SPEF2: variants seen among roughly 807,000 people sequenced by gnomAD.
SPEF2 encodes the protein sperm flagellar and cilia associated 2.
In SPEF2, 187 loss-of-function variants were observed where a neutral mutation model predicts 224.6. The ratio of observed to expected loss-of-function variants is 0.83; its 90% confidence interval spans 0.74 to 0.94. The LOEUF is 0.94. Ranked by LOEUF, SPEF2 falls within the 40% of genes least tolerant of loss-of-function variation. The pLI is 0.00. For missense variants in SPEF2, 2,170 were observed against 2,135.6 expected (o/e 1.02, Z -0.32); for synonymous variants, 715 against 707.3 (o/e 1.01, Z -0.17).
chr5:35,626,519 T>C (rs550009090), intron 1 of SPEF2, among the ~76,000 whole-genome samples: 9 of 152,334 alleles, frequency 5.9e-5, no homozygotes, highest in African/African-American at 2.2e-4. Flanking sequence ...GTTTCATTTC[T>C]TTACTTGTTG....
chr5:35,704,304 C>T (rs1049797062), intron 16 of SPEF2, among the ~76,000 whole-genome samples: 1 of 152,056 alleles, frequency 6.6e-6, no homozygotes, highest in Non-Finnish European at 1.5e-5. Context: ...CTATCATAGA[C>T]AATCCTGAGA....
chr5:35,631,474 A>G (rs1351693183), intron 2 of SPEF2, among the ~76,000 whole-genome samples: 4 of 152,350 alleles, frequency 2.6e-5, no homozygotes, highest in African/African-American at 4.8e-5. Context: ...ACAAGTGATG[A>G]TAAGGACATG....
At chr5:35,749,034 C>T (rs184744433) in intron 23 of SPEF2, among the ~76,000 whole-genome samples, 60 of 152,166 alleles carry the variant, frequency 3.9e-4, no homozygotes, top group African/African-American at 1.3e-3. Flanking sequence ...TTAACATACA[C>T]AAGTCAATAA....
At chr5:35,618,541 T>C (rs926575433) in intron 1 of SPEF2, among the ~76,000 whole-genome samples, 3 of 152,198 alleles carry the variant, frequency 2.0e-5, no homozygotes, top group Non-Finnish European at 4.4e-5. Context: ...TCTGAATGTG[T>C]TTCCTTCTCT....
At chr5:35,725,716 TTTGA>T (rs1344887341) in intron 20 of SPEF2, among the ~76,000 whole-genome samples, 1 of 152,226 alleles carries the variant, frequency 6.6e-6, no homozygotes, top group Non-Finnish European at 1.5e-5. Flanking sequence ...TCACTTTGTC[TTTGA>T]TTATTTCTTT....
chr5:35,810,576 A>C (rs1219082466), intron 36 of SPEF2, among the ~76,000 whole-genome samples: 1 of 152,182 alleles, frequency 6.6e-6, no homozygotes, highest in African/African-American at 2.4e-5. Flanking sequence ...TTGGAGCAGC[A>C]CAGTTCCTCT....
chr5:35,685,114 A>T (rs1351049562), intron 10 of SPEF2, among the ~76,000 whole-genome samples: 1 of 152,188 alleles, frequency 6.6e-6, no homozygotes, highest in Non-Finnish European at 1.5e-5. Flanking sequence ...AGCTCCTAGA[A>T]AAAACAAAGG....
chr5:35,649,289 G>C lies in SPEF2; in HGVS notation c.727-72G>C, dbSNP rs187854093. The C allele has an allele frequency of 2.6e-5, 33 of 1,267,460 alleles. No individual in the cohort carries two copies. The East Asian group carries it at 5.0e-4, about 19-fold the overall frequency. 78.5% of individuals were successfully genotyped at this position (1,267,460 alleles called of 1,614,324 possible). On this transcript the variant is annotated intron_variant, in intron 5 of 36. Transcript: ENST00000356031. ...GTAGTACTTGTCACTTTATAAACTTGAATGAATGTGTAAATGAAGATTTTT... is the reference window on the plus strand; with the variant it reads ...GTAGTACTTGTCACTTTATAAACTTCAATGAATGTGTAAATGAAGATTTTT...
intron 9 of SPEF2, among the ~76,000 whole-genome samples, chr5:35,669,799 A>G (rs1750979364): frequency 6.6e-6 from 1 of 152,080 alleles, no homozygotes; most frequent in East Asian, 1.9e-4. Flanking sequence ...CTCCTGTGCA[A>G]AACGAACAAA....
chr5:35,710,079 T>C (rs778441763), intron 19 of SPEF2: 90 of 984,812 alleles, frequency 9.1e-5, no homozygotes, highest in Non-Finnish European at 1.1e-4. Flanking sequence ...ACCATTCTGC[T>C]CCAGGAAATT....
At chr5:35,709,997 TA>T (rs1231935558) in intron 19 of SPEF2, 2 of 982,214 alleles carry the variant, frequency 2.0e-6, no homozygotes, top group East Asian at 2.3e-4. Context: ...TCTTAATTTT[TA>T]AAATTAAACT....
intron 17 of SPEF2, among the ~76,000 whole-genome samples, chr5:35,704,917 A>G (rs888291102): frequency 2.0e-5 from 3 of 152,238 alleles, no homozygotes; most frequent in East Asian, 1.9e-4. Context: ...ACATGCACTT[A>G]TAAGTTAATT....
At chr5:35,672,372 C>A (rs1447895097) in intron 10 of SPEF2, among the ~76,000 whole-genome samples, 5 of 141,956 alleles carry the variant, frequency 3.5e-5, no homozygotes, top group African/African-American at 1.3e-4. Flanking sequence ...TATGTTCAAG[C>A]AAATGTATTA....
chr5:35,759,522 C>T, intron 24 of SPEF2, 46 bp from the exon 25 acceptor site: 3 of 1,478,268 alleles, frequency 2.0e-6, no homozygotes, highest in Non-Finnish European at 2.7e-6. Context: ...ATGTACAGAT[C>T]AGCTTGTTCT....
chr5:35,688,366 T>C (rs951013317), intron 10 of SPEF2, among the ~76,000 whole-genome samples: 3 of 152,230 alleles, frequency 2.0e-5, no homozygotes. Flanking sequence ...TTTATTTTGA[T>C]TTACCATTGA....
Position 35,659,008 on chromosome 5 carries a change from G to A in SPEF2, c.979-11G>A, listed in dbSNP as rs987957138. On this transcript the variant is annotated splice_polypyrimidine_tract_variant and intron_variant, in intron 7 of 36. Transcript: ENST00000356031. ...CGTCACTTTAACAAATAATTCCCCT[G>A]GTGTTTTCAGGAGGCTTATCGGGAG... The A allele has an allele frequency of 2.0e-6, 3 of 1,523,334 alleles. No individual in the cohort carries two copies. The highest frequency in any genetic ancestry group is 2.7e-6 in the Non-Finnish European group (3 of 1,130,580). 94.4% of individuals were successfully genotyped at this position (1,523,334 alleles called of 1,614,324 possible).
chr5:35,707,697 G>C (rs184069796), intron 18 of SPEF2, among the ~76,000 whole-genome samples: 84 of 152,246 alleles, frequency 5.5e-4, no homozygotes, highest in Admixed American at 4.4e-3. Flanking sequence ...TCATCACAAT[G>C]ATGGGAGCCT....
intron 19 of SPEF2, among the ~76,000 whole-genome samples, 155 bp from the exon 20 acceptor site, chr5:35,712,657 A>G (rs777684108): frequency 6.6e-6 from 1 of 152,246 alleles, no homozygotes; most frequent in Non-Finnish European, 1.5e-5. Context: ...TGTCTTCAGG[A>G]TAATTTTAAC....
Position 35,751,074 on chromosome 5 carries a change from T to TATAC in SPEF2, c.3331-2547_3331-2546insCATA, listed in dbSNP as rs1749512456. ...ATATATACGTATATATATGTATATA[T>TATAC]ATATACACACACACACACACACATA... On this transcript the variant is annotated intron_variant, in intron 23 of 36. Transcript: ENST00000356031. 7.4e-5 allele frequency among the ~76,000 whole-genome samples: 4 copies of TATAC among 54,138 alleles called. 1 individual carries two copies. Among genetic ancestry groups the TATAC allele is most frequent in the East Asian group, 7.2e-4 (1 of 1,384 alleles). The allele number at this position is 54,138 out of a possible 152,430, so 35.5% of individuals were successfully genotyped here. A position where few individuals can be genotyped will look rare whatever the true frequency, so the allele number is the denominator to read the frequency against.
Sources: allele counts gnomAD v4.1 joint callset (sites outside exome capture counted in the v4.1 genomes callset), GRCh38; gene constraint gnomAD v4.1.1; transcripts MANE v1.5; gene names NCBI Gene and HGNC (gene_info 2026-07-23, HGNC 2026-07-21).